Variants in SPIRE1 observed in about 807,000 individuals in gnomAD.
The protein encoded by SPIRE1 is protein spire homolog 1.
Under a neutral mutation model 94.1 loss-of-function variants are expected in SPIRE1, and 40 were observed. The ratio of observed to expected loss-of-function variants is 0.43; its 90% CI spans 0.33 to 0.55. The LOEUF (loss-of-function observed/expected upper bound fraction) is 0.55. SPIRE1 is among the 20% of genes least tolerant of loss of function. SPIRE1 has a pLI of 0.06. For missense variants in SPIRE1, 838 were observed against 975.2 expected (o/e 0.86, Z 1.87); for synonymous variants, 376 against 371.7 (o/e 1.01, Z -0.13).
chr18:12,604,634 T>C (rs1462077096), intron 2 of SPIRE1, among the ~76,000 whole-genome samples: 1 of 152,112 alleles, frequency 6.6e-6, no homozygotes, highest in African/African-American at 2.4e-5. Flanking sequence ...CAAATATCTC[T>C]GCATGACCAC....
intron 12 of SPIRE1, among the ~76,000 whole-genome samples, chr18:12,454,765 T>C (rs2031427042): frequency 6.6e-6 from 1 of 152,210 alleles, no homozygotes; most frequent in African/African-American, 2.4e-5. Flanking sequence ...AGTAACTCTA[T>C]TCCGTTAAGC....
intron 4 of SPIRE1, among the ~76,000 whole-genome samples, chr18:12,532,281 T>C (rs2034705354): frequency 6.6e-6 from 1 of 152,238 alleles, no homozygotes; most frequent in Admixed American, 6.5e-5. Flanking sequence ...TAAATGCACT[T>C]AACACTTTAC....
At position 12,449,768 on chromosome 18, in the gene SPIRE1, C is replaced by T. The variant is rs1292332855; in HGVS notation, c.2141G>A (p.Ser714Asn). Reference protein sequence around the residue: ...DCKKFISEIISSSRRSLVLAN... With the variant: ...DCKKFISEIINSSRRSLVLAN... ...CAACACCAGACTGCGCCGGCTTGAA[C>T]TGATGATTTCCGAAATGAACTTCTT... Residue 714 changes from serine to asparagine, a missense_variant, in exon 17 of 17, where the codon AGT becomes AAT. By Grantham distance (46) the Ser-to-Asn change is conservative. Coordinates refer to ENST00000409402, the MANE Select transcript of SPIRE1 (RefSeq NM_001128626.2). 1.5e-5 allele frequency: 24 copies of T among 1,614,022 alleles called. No homozygotes were observed. The highest frequency in any genetic ancestry group is 2.0e-5 in the Non-Finnish European group (24 of 1,180,048).
At chr18:12,652,315 G>A (rs997354664) in intron 1 of SPIRE1, among the ~76,000 whole-genome samples, 3 of 152,138 alleles carry the variant, frequency 2.0e-5, no homozygotes, top group African/African-American at 7.2e-5. Context: ...CCTTAATTAA[G>A]CGTGTGAAAG....
At chr18:12,476,570 T>C (rs201031292) in intron 10 of SPIRE1, among the ~76,000 whole-genome samples, 1 of 72,924 alleles carries the variant, frequency 1.4e-5, no homozygotes, top group Non-Finnish European at 2.5e-5. Flanking sequence ...AAAAAATATA[T>C]ATATATATAT....
chr18:12,527,215 T>C (rs1247402453), intron 4 of SPIRE1, among the ~76,000 whole-genome samples: 2 of 152,194 alleles, frequency 1.3e-5, no homozygotes, highest in African/African-American at 4.8e-5. Flanking sequence ...CATCCTGACC[T>C]ACCTCAAGAT....
At chr18:12,609,610 G>A (rs1417019051) in intron 2 of SPIRE1, among the ~76,000 whole-genome samples, 1 of 152,160 alleles carries the variant, frequency 6.6e-6, no homozygotes, top group East Asian at 1.9e-4. Context: ...ACCTATTTCT[G>A]GGTATTTCTG....
upstream of SPIRE1, chr18:12,658,492 G>A (rs2144927434): frequency 2.2e-6 from 1 of 452,916 alleles, no homozygotes; most frequent in Non-Finnish European, 4.7e-6. Flanking sequence ...GTCCCCGGCC[G>A]ACTCTGGCGG....
rs561395212 is a variant in SPIRE1 at position 12,541,052 on chromosome 18, C to T, written c.604-5451G>A. 3.9e-5 allele frequency among the ~76,000 whole-genome samples: 6 copies of T among 152,284 alleles called. No individual in the cohort carries two copies. The East Asian group carries it at 7.7e-4, about 20-fold the overall frequency. On this transcript the variant is annotated intron_variant, in intron 3 of 16. Transcript: ENST00000409402. ...GCATACCACAAACTTTGATAGGTCA[C>T]GCATTTGTTATTATTCAGTTTATTT...
chr18:12,451,317 G>A (rs972463993), intron 16 of SPIRE1, among the ~76,000 whole-genome samples: 2 of 151,578 alleles, frequency 1.3e-5, no homozygotes, highest in East Asian at 3.9e-4. Context: ...CCCTGTATTT[G>A]TGCGATTATT....
chr18:12,520,023 ATTAC>A (rs1202088889), intron 4 of SPIRE1, among the ~76,000 whole-genome samples: 2 of 152,198 alleles, frequency 1.3e-5, no homozygotes, highest in Non-Finnish European at 2.9e-5. Context: ...AAGAATGGAA[ATTAC>A]TTAGTAGCTG....
intron 2 of SPIRE1, among the ~76,000 whole-genome samples, chr18:12,633,565 G>C (rs1001000366): frequency 6.8e-6 from 1 of 147,376 alleles, no homozygotes; most frequent in Admixed American, 6.9e-5. Context: ...GACACAGCAA[G>C]GCTCTGTCTC....
chr18:12,624,173 C>T (rs1280000532), intron 2 of SPIRE1, among the ~76,000 whole-genome samples: 2 of 151,832 alleles, frequency 1.3e-5, no homozygotes, highest in African/African-American at 2.4e-5. Flanking sequence ...CCGCCCGCCT[C>T]GGCCTCCCAA....
At chr18:12,500,563 A>G (rs1015397319) in intron 6 of SPIRE1, among the ~76,000 whole-genome samples, 4 of 152,206 alleles carry the variant, frequency 2.6e-5, no homozygotes, top group African/African-American at 9.7e-5. Context: ...TAGTTTCTCA[A>G]TAAGCCAAAC....
chr18:12,573,742 C>A, intron 2 of SPIRE1, among the ~76,000 whole-genome samples: 1 of 149,776 alleles, frequency 6.7e-6, no homozygotes, highest in South Asian at 2.1e-4. Flanking sequence ...TTTAATTTTT[C>A]TTTTTTTTTT....
chr18:12,597,341 C>A (rs2036705084), intron 2 of SPIRE1, among the ~76,000 whole-genome samples: 1 of 152,036 alleles, frequency 6.6e-6, no homozygotes, highest in East Asian at 1.9e-4. Context: ...TGAAGGAGAG[C>A]TAGAGGGGCT....
rs529465496 is a variant in SPIRE1 at position 12,537,195 on chromosome 18, G to A, written c.604-1594C>T. 4.6e-5 allele frequency among the ~76,000 whole-genome samples: 7 copies of A among 152,316 alleles called. No individual in the cohort carries two copies. The South Asian group carries it at 1.4e-3, about 32-fold the overall frequency. On this transcript the variant is annotated intron_variant, in intron 3 of 16. Transcript: ENST00000409402. ...AAATCTCACAAGTTTATTACTCACA[G>A]AGCCACTAGTAAACAGAGAGTATAT...
chr18:12,453,284 G>C, intron 13 of SPIRE1, 146 bp from the exon 14 acceptor site: 1 of 546,806 alleles, frequency 1.8e-6, no homozygotes, highest in East Asian at 3.1e-5. Context: ...GTTTATAACA[G>C]CTGGCTCTGT....
chr18:12,630,635 GGCAAGA>G (rs1344361935), intron 2 of SPIRE1, among the ~76,000 whole-genome samples: 2 of 152,178 alleles, frequency 1.3e-5, no homozygotes, highest in East Asian at 3.9e-4. Flanking sequence ...CTCCAGCCTG[GGCAAGA>G]GCAAGACTCT....
Sources: gnomAD v4.1 joint callset for allele counts (sites outside exome capture counted in the v4.1 genomes callset) on GRCh38, gnomAD v4.1.1 for gene constraint, MANE v1.5 for transcripts, NCBI Gene and HGNC (gene_info 2026-07-23, HGNC 2026-07-21) for gene names.